Variants in PARP16 observed in about 807,000 individuals in gnomAD.
PARP16 encodes poly(ADP-ribose) polymerase family member 16.
In PARP16, 31 loss-of-function variants were observed where a neutral mutation model predicts 35.0. The observed-to-expected ratio is 0.88, with a 90% CI of 0.66 to 1.19. The LOEUF (loss-of-function observed/expected upper bound fraction) is 1.19, where lower values mean the gene tolerates loss of function less well. Ranked by LOEUF, PARP16 falls within the 50% of genes most tolerant of loss-of-function variation. PARP16 has a pLI of 0.00. For synonymous variants in PARP16, 162 were observed against 169.5 expected (o/e 0.96, Z 0.34); for missense variants, 424 against 411.2 (o/e 1.03, Z -0.27).
At chr15:65,276,377 G>GA (rs1567036368) in intron 1 of PARP16, among the ~76,000 whole-genome samples, 1 of 151,778 alleles carries the variant, frequency 6.6e-6, no homozygotes, top group African/African-American at 2.4e-5. Context: ...GACCCATTTT[G>GA]TTTTTTTTAA....
At chr15:65,239,122 T>A (rs2088966786) in intron 3 of PARP16, among the ~76,000 whole-genome samples, 1 of 151,574 alleles carries the variant, frequency 6.6e-6, no homozygotes, top group African/African-American at 2.4e-5. Context: ...CAGAGTGGGA[T>A]CCCGACTCAA....
chr15:65,250,495 T>G (rs1247311138), intron 2 of PARP16, among the ~76,000 whole-genome samples: 2 of 152,160 alleles, frequency 1.3e-5, no homozygotes, highest in Non-Finnish European at 2.9e-5. Context: ...ACAAGTCATC[T>G]CCAAACCTGT....
rs1225586836 is a variant in PARP16 at position 65,272,402 on chromosome 15, C to T, written c.175-1330G>A. Reference sequence around the variant, plus strand: ...ACTGGGGACTTGGACTAACAGATAGCAACAAAGTATCTGTAGCTTTTGCTC... The same window carrying T: ...ACTGGGGACTTGGACTAACAGATAGTAACAAAGTATCTGTAGCTTTTGCTC... On this transcript the variant is annotated intron_variant, in intron 1 of 5. Transcript: ENST00000649807. 2.0e-5 allele frequency among the ~76,000 whole-genome samples: 3 copies of T among 152,214 alleles called. No homozygotes were observed. In the East Asian group the frequency reaches 5.8e-4, roughly 29 times the overall value.
At chr15:65,283,141 T>A (rs2090469738) in intron 1 of PARP16, among the ~76,000 whole-genome samples, 1 of 152,038 alleles carries the variant, frequency 6.6e-6, no homozygotes, top group Admixed American at 6.6e-5. Context: ...TGGTAAAAAT[T>A]AAAGCTGCAC....
rs774712220 is a variant in PARP16, at chr15:65,270,972, G to T, written c.275C>A (p.Ser92Ter). 6.2e-6 allele frequency: 10 copies of T among 1,614,040 alleles called. No individual in the cohort carries two copies. The highest frequency in any genetic ancestry group is 1.6e-4 in the Middle Eastern group (1 of 6,084). ...AWDLVSWILS[S>*]KVLTIHSAGK... ...TGCACTGTGGATTGTCAGGACCTTT[G>T]AGGATAAAATCCAGCTCACCAGGTC... The change falls in exon 2 of 6, where the codon TCA (serine) becomes TAA (stop). Residue 92 changes from serine to a stop codon, truncating the protein, a stop_gained. Coordinates refer to ENST00000649807, the MANE Select transcript of PARP16 (RefSeq NM_001316943.2). LOFTEE classifies it high-confidence loss of function.
downstream of PARP16, among the ~76,000 whole-genome samples, chr15:65,253,693 C>T (rs962821838): frequency 1.2e-4 from 19 of 152,118 alleles, no homozygotes; most frequent in Admixed American, 6.5e-4. Flanking sequence ...TTTCTTGTAT[C>T]TTTGCACCCC....
downstream of PARP16, among the ~76,000 whole-genome samples, chr15:65,256,317 C>T (rs911687113): frequency 6.6e-6 from 1 of 152,094 alleles, no homozygotes; most frequent in African/African-American, 2.4e-5. Flanking sequence ...TAGATCCGCT[C>T]TCCAACCACC....
chr15:65,235,935 G>A (rs2140710593), intron 3 of PARP16, among the ~76,000 whole-genome samples: 1 of 140,484 alleles, frequency 7.1e-6, no homozygotes, highest in East Asian at 2.1e-4. Flanking sequence ...CGATCTCACT[G>A]CAACCTCCGC....
At chr15:65,267,949 C>T (rs2089962189) in intron 2 of PARP16, among the ~76,000 whole-genome samples, 1 of 151,954 alleles carries the variant, frequency 6.6e-6, no homozygotes, top group Admixed American at 6.5e-5. Flanking sequence ...CCTCAGCCGC[C>T]CAAAGTGCTG....
chr15:65,285,804 A>T (rs2090574601), intron 1 of PARP16, among the ~76,000 whole-genome samples: 1 of 152,234 alleles, frequency 6.6e-6, no homozygotes, highest in South Asian at 2.1e-4. Flanking sequence ...TGGATGTTAC[A>T]GTTTATAAAA....
Position 65,266,692 on chromosome 15 carries a change from T to C in PARP16, c.389A>G (p.Tyr130Cys), listed in dbSNP as rs1215692726. The C allele has an allele frequency of 2.5e-6, 4 of 1,613,930 alleles. No individual in the cohort carries two copies. The highest frequency in any genetic ancestry group is 1.1e-5 in the South Asian group (1 of 91,088). The change falls in exon 3 of 6, where the codon TAC becomes TGC. Residue 130 changes from tyrosine (Y) to cysteine (C), a missense_variant. By Grantham distance (194) the Tyr-to-Cys change is radical. Transcript: ENST00000649807. The stretch of plus-strand genomic sequence containing the variant: ...AAATTTGGCGTTGGCTGGGTCAAAG[T>C]ACTCAATTTCAAACAGGAAGTCCGG... ...PAPDFLFEIE[Y>C]FDPANAKFYE...
intron 4 of PARP16, among the ~76,000 whole-genome samples, chr15:65,261,831 G>A (rs1303326782): frequency 6.6e-6 from 1 of 152,114 alleles, no homozygotes; most frequent in Non-Finnish European, 1.5e-5. Flanking sequence ...TTCGTACCAA[G>A]ACTTGTTTTA....
At chr15:65,257,906 T>C (rs967367295), downstream of PARP16, among the ~76,000 whole-genome samples, 3 of 152,174 alleles carry the variant, frequency 2.0e-5, no homozygotes, top group Non-Finnish European at 4.4e-5. Flanking sequence ...GTGCCTGGCA[T>C]ACAGTAGGTA....
At chr15:65,255,155 C>T (rs756229648), downstream of PARP16, among the ~76,000 whole-genome samples, 5 of 152,172 alleles carry the variant, frequency 3.3e-5, no homozygotes, top group Non-Finnish European at 2.9e-5. Context: ...GATTTTGGGT[C>T]AGTGCTAAAT....
downstream of PARP16, among the ~76,000 whole-genome samples, chr15:65,233,051 G>A (rs892891128): frequency 2.0e-5 from 3 of 152,114 alleles, no homozygotes; most frequent in African/African-American, 7.2e-5. Context: ...TTTCAGTCAC[G>A]CAAGATGAAT....
rs2090074753 is a variant in PARP16 at position 65,270,982 on chromosome 15, T to G, written c.265A>C (p.Ile89Leu). 1 of 1,613,998 alleles carries G rather than the reference T, an allele frequency of 6.2e-7. No homozygotes were observed. The highest frequency in any genetic ancestry group is 8.5e-7 in the Non-Finnish European group (1 of 1,180,026). The stretch of plus-strand genomic sequence containing the variant: ...ATTGTCAGGACCTTTGAGGATAAAA[T>G]CCAGCTCACCAGGTCCCAGGCCCGT... ...HKRAWDLVSW[I>L]LSSKVLTIHS... is the part of the protein sequence containing the mutation. The change falls in exon 2 of 6, where the codon ATT becomes CTT. Residue 89 changes from isoleucine to leucine, a missense_variant. Ile to Leu is a conservative substitution (Grantham distance 5). Coordinates refer to ENST00000649807, the MANE Select transcript of PARP16 (RefSeq NM_001316943.2).
intron 3 of PARP16, among the ~76,000 whole-genome samples, chr15:65,243,805 T>C (rs2089140007): frequency 1.3e-5 from 2 of 152,160 alleles, no homozygotes; most frequent in Admixed American, 1.3e-4. Flanking sequence ...GTCACACTTT[T>C]GTGTAAACCC....
intron 3 of PARP16, among the ~76,000 whole-genome samples, chr15:65,235,246 G>A (rs900500619): frequency 6.6e-6 from 1 of 151,932 alleles, no homozygotes; most frequent in African/African-American, 2.4e-5. Context: ...GGCGGAGCTT[G>A]CAGTGAGCCG....
intron 3 of PARP16, 38 bp from the exon 4 acceptor site, chr15:65,263,358 G>A: frequency 1.3e-6 from 2 of 1,522,596 alleles, no homozygotes; most frequent in Non-Finnish European, 1.8e-6. Context: ...AACACAGATG[G>A]TTGAATGTAC....
Sources: allele counts gnomAD v4.1 joint callset (sites outside exome capture counted in the v4.1 genomes callset), GRCh38; gene constraint gnomAD v4.1.1; transcripts MANE v1.5; gene names NCBI Gene and HGNC (gene_info 2026-07-23, HGNC 2026-07-21).